Variants in DRAM2 observed in about 807,000 individuals in gnomAD.
DRAM2 encodes DNA damage-regulated autophagy modulator protein 2.
A neutral mutation model predicts 33.5 loss-of-function variants in DRAM2; 26 were observed. That is an observed-to-expected ratio of 0.78 (90% CI 0.57 to 1.08). The LOEUF is 1.08. DRAM2 is among the 50% of genes least tolerant of loss of function. The pLI, the probability that DRAM2 is intolerant of heterozygous loss-of-function variation, is 0.00. For missense variants in DRAM2, 311 were observed against 318.1 expected (o/e 0.98, Z 0.17); for synonymous variants, 98 against 109.5 (o/e 0.89, Z 0.66).
chr1:111,125,011 T>C, intron 5 of DRAM2, 130 bp from the exon 6 acceptor site: 1 of 776,684 alleles, frequency 1.3e-6, no homozygotes. Flanking sequence ...TCAGAGAGAA[T>C]AAAAAGAAAA....
intron 6 of DRAM2, among the ~76,000 whole-genome samples, chr1:111,121,741 T>G (rs563483938): frequency 5.9e-5 from 9 of 152,262 alleles, no homozygotes; most frequent in Non-Finnish European, 1.3e-4. Flanking sequence ...TTTTTTCCAA[T>G]CCTGCATAGT....
At position 111,118,028 on chromosome 1, in the gene DRAM2, A is replaced by G; in HGVS notation, c.*132T>C. On this transcript the variant is annotated 3_prime_UTR_variant, in exon 10 of 10. Coordinates refer to ENST00000484310, the MANE Select transcript of DRAM2 (RefSeq NM_001349884.2). ...ATGGCTTCTTTCATGTTTCCTGATT[A>G]TCAGCATTCATCAGTGTTACTGTCA... 1.3e-6 allele frequency: 1 copy of G among 752,118 alleles called. No individual in the cohort carries two copies. Among genetic ancestry groups the G allele is most frequent in the Admixed American group, 2.3e-5 (1 of 44,330 alleles). The allele number at this position is 752,118 out of a possible 1,614,324, so 46.6% of individuals were successfully genotyped here.
Position 111,120,698 on chromosome 1 carries a change from G to A in DRAM2, c.340-5C>T. Reference sequence around the variant, plus strand: ...TGCAGCAAAAAGGGTTGTTTTCTGAGAGATAGAGAGAAGAAATACGTCAAT... The same window carrying A: ...TGCAGCAAAAAGGGTTGTTTTCTGAAAGATAGAGAGAAGAAATACGTCAAT... On this transcript the variant is annotated splice_region_variant and splice_polypyrimidine_tract_variant and intron_variant, in intron 6 of 9. Transcript: ENST00000484310. 1 of 1,489,038 alleles carries A rather than the reference G, an allele frequency of 6.7e-7. No homozygotes were observed. The highest frequency in any genetic ancestry group is 1.4e-5 in the South Asian group (1 of 71,872). The allele number at this position is 1,489,038 out of a possible 1,614,324, so 92.2% of individuals were successfully genotyped here. A position where few individuals can be genotyped will look rare whatever the true frequency, so the allele number is the denominator to read the frequency against.
At chr1:111,123,823 G>A (rs933255082) in intron 6 of DRAM2, among the ~76,000 whole-genome samples, 2 of 152,032 alleles carry the variant, frequency 1.3e-5, no homozygotes, top group Non-Finnish European at 2.9e-5. Context: ...CCACCCCCTT[G>A]CTTCCTCCCT....
intron 6 of DRAM2, among the ~76,000 whole-genome samples, chr1:111,121,150 A>G (rs996196471): frequency 2.0e-5 from 3 of 152,226 alleles, no homozygotes; most frequent in Admixed American, 2.0e-4. Flanking sequence ...GCATAGTGCA[A>G]TAAGAAAAGA....
At chr1:111,123,690 G>C (rs921695795) in intron 6 of DRAM2, among the ~76,000 whole-genome samples, 1 of 152,144 alleles carries the variant, frequency 6.6e-6, no homozygotes, top group Non-Finnish European at 1.5e-5. Context: ...CCTAATGGCA[G>C]GTGTCTGGGT....
Position 111,124,727 on chromosome 1 carries a change from G to A in DRAM2, c.339+15C>T, listed in dbSNP as rs1557888265. On this transcript the variant is annotated intron_variant, in intron 6 of 9. Coordinates refer to ENST00000484310, the MANE Select transcript of DRAM2 (RefSeq NM_001349884.2). ...GTACTTAAGGAAAATACCTATGCTG[G>A]GCTAAAACACAAACCTGGAAGTTTG... The A allele has an allele frequency of 1.2e-6, 2 of 1,612,520 alleles. No individual in the cohort carries two copies. Among genetic ancestry groups the A allele is most frequent in the Admixed American group, 1.7e-5 (1 of 59,920 alleles).
chr1:111,127,642 G>A (rs1651281370), intron 4 of DRAM2, among the ~76,000 whole-genome samples: 1 of 152,150 alleles, frequency 6.6e-6, no homozygotes, highest in African/African-American at 2.4e-5. Flanking sequence ...TTTCCACAAT[G>A]TATATGTATT....
intron 4 of DRAM2, 114 bp downstream of exon 4, chr1:111,131,310 G>A (rs368802639): frequency 3.4e-6 from 4 of 1,164,148 alleles, no homozygotes; most frequent in Non-Finnish European, 4.8e-6. Context: ...CTTTATTGTT[G>A]TAATGCCAAT....
At position 111,118,104 on chromosome 1, in the gene DRAM2, A is replaced by G; in HGVS notation, c.*56T>C. The stretch of plus-strand genomic sequence containing the variant: ...CAGAGAAGAATAAGCAACTTCTGTG[A>G]ACCTTTCCCCAATCCCTGAGAATCA... On this transcript the variant is annotated 3_prime_UTR_variant, in exon 10 of 10. Transcript: ENST00000484310. The G allele has an allele frequency of 6.4e-7, 1 of 1,552,868 alleles. No individual in the cohort carries two copies. The highest frequency in any genetic ancestry group is 1.7e-5 in the Admixed American group (1 of 59,704).
chr1:111,133,028 C>A (rs763037056), intron 3 of DRAM2, among the ~76,000 whole-genome samples: 6 of 152,086 alleles, frequency 3.9e-5, no homozygotes, highest in Non-Finnish European at 8.8e-5. Flanking sequence ...CCAAACCAAT[C>A]TAGACTCCAC....
chr1:111,131,872 CACT>C (rs1652168166), intron 3 of DRAM2, among the ~76,000 whole-genome samples: 1 of 152,168 alleles, frequency 6.6e-6, no homozygotes, highest in Admixed American at 6.5e-5. Flanking sequence ...TCTTCACTGT[CACT>C]ACTTTACCCA....
In DRAM2 at chr1:111,118,155, T is replaced by C; in HGVS notation, c.*5A>G. 1 of 1,606,774 alleles carries C rather than the reference T, an allele frequency of 6.2e-7. No homozygotes were observed. Among genetic ancestry groups the C allele is most frequent in the Non-Finnish European group, 8.5e-7 (1 of 1,173,512 alleles). On this transcript the variant is annotated 3_prime_UTR_variant, in exon 10 of 10. Transcript: ENST00000484310. ...TAATCATTACAGAAATATTTTATCC[T>C]TTCATCAAATATCTCTGGAAAGTAG...
intron 6 of DRAM2, among the ~76,000 whole-genome samples, chr1:111,122,419 CAAAAAAT>C (rs1022116852): frequency 6.6e-6 from 1 of 152,036 alleles, no homozygotes; most frequent in African/African-American, 2.4e-5. Context: ...TGAATGTCTT[CAAAAAAT>C]ATTCAAGAAG....
intron 4 of DRAM2, 21 bp downstream of exon 4, chr1:111,131,403 C>CA (rs1195275695): frequency 3.7e-6 from 6 of 1,606,182 alleles, no homozygotes; most frequent in African/African-American, 1.3e-5. Context: ...GTCTCCTATA[C>CA]AAAGAATACA....
intron 3 of DRAM2, among the ~76,000 whole-genome samples, chr1:111,137,219 A>C (rs964552436): frequency 7.0e-6 from 1 of 143,864 alleles, no homozygotes; most frequent in Admixed American, 7.5e-5. Flanking sequence ...GCGCCACTGC[A>C]CTCCAACCTG....
At chr1:111,134,103 C>T (rs148127234) in intron 3 of DRAM2, among the ~76,000 whole-genome samples, 1 of 152,182 alleles carries the variant, frequency 6.6e-6, no homozygotes, top group Non-Finnish European at 1.5e-5. Flanking sequence ...ACTCATACCC[C>T]ACATCACCAC....
intron 4 of DRAM2, chr1:111,127,988 T>C (rs753710793): frequency 7.9e-5 from 12 of 152,172 alleles, no homozygotes; most frequent in Non-Finnish European, 1.8e-4. Context: ...CTTACCCCAG[T>C]GGCTAGTCAC....
rs761499807 is a variant in DRAM2, at chr1:111,127,316, G to T, written c.132-1022C>A. Among the ~76,000 whole-genome samples, 287 of 152,088 alleles carry T rather than the reference G, an allele frequency of 1.9e-3. 3 individuals are homozygous for T. The highest frequency in any genetic ancestry group is 2.4e-3 in the Non-Finnish European group (161 of 67,952). ...GGTCTCAACTAAGACAATGCATGGG[G>T]ATAAAAAAGAAGTAGAAAGTTATAG... is the stretch of plus-strand genomic sequence containing the variant. On this transcript the variant is annotated intron_variant, in intron 4 of 9. Transcript: ENST00000484310.
Sources: allele counts gnomAD v4.1 joint callset (sites outside exome capture counted in the v4.1 genomes callset), GRCh38; gene constraint gnomAD v4.1.1; transcripts MANE v1.5; gene names NCBI Gene and HGNC (gene_info 2026-07-23, HGNC 2026-07-21).